Variants in BEND7 observed in about 807,000 individuals in gnomAD.
BEND7 encodes BEN domain containing 7.
In BEND7, 28 loss-of-function variants were observed where a neutral mutation model predicts 50.9. The observed-to-expected ratio is 0.55, with a 90% confidence interval of 0.41 to 0.75. The LOEUF (loss-of-function observed/expected upper bound fraction) is 0.75. BEND7 is among the 30% of genes least tolerant of loss of function. The pLI is 0.00. For synonymous variants in BEND7, 170 were observed against 183.9 expected (o/e 0.92, Z 0.61); for missense variants, 477 against 491.3 (o/e 0.97, Z 0.28).
At chr10:13,503,889 A>G (rs901089438) in intron 2 of BEND7, among the ~76,000 whole-genome samples, 1 of 152,168 alleles carries the variant, frequency 6.6e-6, no homozygotes, top group African/African-American at 2.4e-5. Flanking sequence ...ACGTTCAGGA[A>G]TGGTCTCTGG....
At chr10:13,516,133 A>T (rs1292423062) in intron 2 of BEND7, among the ~76,000 whole-genome samples, 1 of 152,236 alleles carries the variant, frequency 6.6e-6, no homozygotes, top group Non-Finnish European at 1.5e-5. Context: ...TGCACCAAGG[A>T]ATACTACAGT....
downstream of BEND7, chr10:13,439,323 GCTC>G (rs1564479762): frequency 6.2e-7 from 1 of 1,614,168 alleles, no homozygotes; most frequent in Non-Finnish European, 8.5e-7. Context: ...TTGGGACAAA[GCTC>G]CTGTTTCAGC....
At chr10:13,454,819 A>C (rs1352477847) in intron 6 of BEND7, among the ~76,000 whole-genome samples, 1 of 152,200 alleles carries the variant, frequency 6.6e-6, no homozygotes, top group African/African-American at 2.4e-5. Context: ...TACAGTTCAG[A>C]GAAGGGGCCA....
At chr10:13,514,104 G>A (rs1253401965) in intron 2 of BEND7, among the ~76,000 whole-genome samples, 1 of 133,348 alleles carries the variant, frequency 7.5e-6, no homozygotes, top group Non-Finnish European at 1.6e-5. Context: ...ATTTTCTCAA[G>A]GGCCGTATTC....
At chr10:13,469,716 C>G (rs1478083074) in intron 6 of BEND7, among the ~76,000 whole-genome samples, 1 of 152,210 alleles carries the variant, frequency 6.6e-6, no homozygotes, top group Admixed American at 6.5e-5. Flanking sequence ...ACCTCATGAT[C>G]TGCCCACCTC....
intron 3 of BEND7, among the ~76,000 whole-genome samples, chr10:13,499,010 A>C (rs1293307908): frequency 2.0e-5 from 3 of 152,242 alleles, no homozygotes; most frequent in Admixed American, 6.5e-5. Context: ...AAGGAAACTG[A>C]AAATGCTTTC....
chr10:13,504,679 T>G (rs538895336), intron 2 of BEND7, among the ~76,000 whole-genome samples: 6 of 152,212 alleles, frequency 3.9e-5, no homozygotes, highest in Non-Finnish European at 7.3e-5. Context: ...AGGAAACCTG[T>G]GCATTTTTCC....
chr10:13,486,499 C>G (rs2076233618), intron 5 of BEND7, among the ~76,000 whole-genome samples: 1 of 152,216 alleles, frequency 6.6e-6, no homozygotes, highest in African/African-American at 2.4e-5. Context: ...CAGGAGCATG[C>G]TCGTGTCCTA....
At chr10:13,447,338 C>T (rs1244649464) in intron 7 of BEND7, 22 bp from the exon 8 acceptor site, 1 of 1,613,628 alleles carries the variant, frequency 6.2e-7, no homozygotes. Context: ...AAACATAAGA[C>T]ACAAATCTCA....
intron 6 of BEND7, among the ~76,000 whole-genome samples, chr10:13,462,266 A>T (rs1840364744): frequency 6.6e-6 from 1 of 152,230 alleles, no homozygotes; most frequent in Admixed American, 6.5e-5. Flanking sequence ...TCACAGTTTA[A>T]CATGGCTGGG....
At chr10:13,503,224 C>T (rs544685402) in intron 2 of BEND7, among the ~76,000 whole-genome samples, 1 of 152,284 alleles carries the variant, frequency 6.6e-6, no homozygotes, top group South Asian at 2.1e-4. Flanking sequence ...CGGTGGGCTG[C>T]GCCTGCCGTG....
Position 13,526,228 on chromosome 10 carries a change from T to C in BEND7, c.62-7A>G. The C allele has an allele frequency of 7.8e-6, 10 of 1,284,006 alleles. No individual in the cohort carries two copies. The highest frequency in any genetic ancestry group is 1.0e-5 in the Non-Finnish European group (10 of 985,988). The allele number at this position is 1,284,006 out of a possible 1,614,324, so 79.5% of individuals were successfully genotyped here. On this transcript the variant is annotated splice_polypyrimidine_tract_variant and splice_region_variant and intron_variant, in intron 1 of 8. Coordinates refer to ENST00000466271, the MANE Select transcript of BEND7 (RefSeq NM_001369863.1). ...TACACCTCGTGGTGATAATCTGGCA[T>C]GAGAAAACAACCAAAAATTAGAATC...
intron 6 of BEND7, among the ~76,000 whole-genome samples, chr10:13,477,140 AT>A (rs1465312952): frequency 3.3e-5 from 5 of 151,874 alleles, no homozygotes; most frequent in Admixed American, 1.3e-4. Context: ...ATTTTCATTC[AT>A]TTTTTTCCCA....
chr10:13,451,220 C>T (rs571963863), intron 7 of BEND7, among the ~76,000 whole-genome samples: 4 of 151,074 alleles, frequency 2.6e-5, no homozygotes, highest in South Asian at 2.1e-4. Context: ...AACAGGGTCT[C>T]GCTCTGTCAC....
chr10:13,467,809 T>A (rs1366921796), intron 6 of BEND7, among the ~76,000 whole-genome samples: 1 of 152,152 alleles, frequency 6.6e-6, no homozygotes, highest in Non-Finnish European at 1.5e-5. Flanking sequence ...CTGTTTTGAT[T>A]TTTAAGAAAC....
At chr10:13,519,022 C>T (rs2078895824) in intron 2 of BEND7, among the ~76,000 whole-genome samples, 1 of 152,212 alleles carries the variant, frequency 6.6e-6, no homozygotes, top group Admixed American at 6.5e-5. Flanking sequence ...TAAACAACCA[C>T]ATTTCAATGT....
chr10:13,453,177 C>T (rs997428028), intron 6 of BEND7, among the ~76,000 whole-genome samples: 2 of 152,132 alleles, frequency 1.3e-5, no homozygotes, highest in Admixed American at 6.5e-5. Flanking sequence ...CTTTGCACAC[C>T]ACACGAGCTC....
chr10:13,454,499 G>A (rs756859111), intron 6 of BEND7, among the ~76,000 whole-genome samples: 1 of 151,984 alleles, frequency 6.6e-6, no homozygotes, highest in Non-Finnish European at 1.5e-5. Context: ...GCAAGCCTGT[G>A]GTTCCAGCTA....
At chr10:13,459,075 G>C (rs1271200406) in intron 6 of BEND7, among the ~76,000 whole-genome samples, 6 of 152,228 alleles carry the variant, frequency 3.9e-5, no homozygotes, top group Non-Finnish European at 8.8e-5. Context: ...TACGTTTACA[G>C]TTGCATTTGA....
Sources: gnomAD v4.1 joint callset for allele counts (sites outside exome capture counted in the v4.1 genomes callset) on GRCh38, gnomAD v4.1.1 for gene constraint, MANE v1.5 for transcripts, NCBI Gene and HGNC (gene_info 2026-07-23, HGNC 2026-07-21) for gene names.